Variants in TPP2 observed in about 807,000 individuals in gnomAD.
TPP2 encodes tripeptidyl-peptidase 2.
A neutral mutation model predicts 155.9 loss-of-function variants in TPP2; 34 were observed. The ratio of observed to expected loss-of-function variants is 0.22; its 90% CI spans 0.17 to 0.29. TPP2 has a LOEUF of 0.29. TPP2 is among the 10% of genes least tolerant of loss of function. The pLI, the probability that TPP2 is intolerant of heterozygous loss-of-function variation, is 1.00. For synonymous variants in TPP2, 510 were observed against 529.4 expected (o/e 0.96, Z 0.50); for missense variants, 1,028 against 1,522.3 (o/e 0.68, Z 5.40).
In TPP2 at chr13:102,627,035, A is replaced by T; in HGVS notation, c.808A>T (p.Ser270Cys). 1 of 1,599,734 alleles carries T rather than the reference A, an allele frequency of 6.3e-7. No homozygotes were observed. ...AGGAGCTCATGGGACACATGTAGCTAGTATAGCTGCTGGACACTTTCCAGA... is the reference window on the plus strand; with the variant it reads ...AGGAGCTCATGGGACACATGTAGCTTGTATAGCTGCTGGACACTTTCCAGA... ...SGGAHGTHVA[S>C]IAAGHFPEEP... The change falls in exon 7 of 30, where the codon AGT (serine) becomes TGT (cysteine). Residue 270 changes from serine (S) to cysteine (C), a missense_variant. Ser to Cys is a moderately radical substitution (Grantham distance 112). Coordinates refer to ENST00000376052, the MANE Select transcript of TPP2 (RefSeq NM_001330588.2).
chr13:102,638,022 G>A lies in TPP2; in HGVS notation c.1837-217G>A, dbSNP rs540365444. The stretch of plus-strand genomic sequence containing the variant: ...AAAATGCACTTATTTTGTACCTGAC[G>A]TCTCATTTTCCCATTTCAACTGGTC... On this transcript the variant is annotated intron_variant, in intron 14 of 29. Transcript: ENST00000376052. 3.9e-5 allele frequency among the ~76,000 whole-genome samples: 6 copies of A among 152,260 alleles called. No homozygotes were observed. In the East Asian group the frequency reaches 5.8e-4, roughly 15 times the overall value.
intron 19 of TPP2, among the ~76,000 whole-genome samples, chr13:102,645,969 C>G (rs886320708): frequency 8.8e-5 from 11 of 124,776 alleles, no homozygotes; most frequent in African/African-American, 3.7e-4. Flanking sequence ...CAGAACCTGT[C>G]TTGCAACACT....
chr13:102,640,641 ATTTTTTTTTTTTTTTT>A (rs5806315), intron 16 of TPP2, among the ~76,000 whole-genome samples: 5 of 84,198 alleles, frequency 5.9e-5, no homozygotes, highest in African/African-American at 2.8e-4. Flanking sequence ...CCTGGTAATA[ATTTTTTTTTTTTTTTT>A]TTTTTTTTTT....
intron 27 of TPP2, among the ~76,000 whole-genome samples, chr13:102,673,491 T>C (rs1013254643): frequency 6.6e-6 from 1 of 152,188 alleles, no homozygotes; most frequent in African/African-American, 2.4e-5. Flanking sequence ...CCCTGGAGTG[T>C]AGGTGGTGGT....
intron 25 of TPP2, among the ~76,000 whole-genome samples, chr13:102,658,119 T>A (rs1883976530): frequency 6.6e-6 from 1 of 152,226 alleles, no homozygotes; most frequent in Non-Finnish European, 1.5e-5. Context: ...CTCTTTGACT[T>A]TGGGCTTGCT....
chr13:102,635,778 T>A (rs1323038818), intron 12 of TPP2, 76 bp downstream of exon 12: 2 of 1,162,320 alleles, frequency 1.7e-6, no homozygotes, highest in African/African-American at 1.5e-5. Flanking sequence ...GGTAATATTT[T>A]GTTTTATAAC....
intron 28 of TPP2, among the ~76,000 whole-genome samples, 195 bp from the exon 29 acceptor site, chr13:102,676,101 A>T (rs537844759): frequency 6.6e-6 from 1 of 152,164 alleles, no homozygotes; most frequent in African/African-American, 2.4e-5. Flanking sequence ...CAAAAAACAG[A>T]TGGTTCATTC....
chr13:102,654,734 A>G (rs1883741146), intron 24 of TPP2, among the ~76,000 whole-genome samples: 1 of 152,196 alleles, frequency 6.6e-6, no homozygotes, highest in Non-Finnish European at 1.5e-5. Flanking sequence ...GAATGGAGCT[A>G]TATTAACAGA....
chr13:102,620,296 T>G (rs1225917907), intron 5 of TPP2, among the ~76,000 whole-genome samples: 1 of 152,094 alleles, frequency 6.6e-6, no homozygotes, highest in East Asian at 1.9e-4. Context: ...AAATGAAATT[T>G]AATCTAACAT....
intron 27 of TPP2, among the ~76,000 whole-genome samples, chr13:102,670,165 T>G (rs1884874555): frequency 1.2e-5 from 1 of 82,948 alleles, no homozygotes; most frequent in Non-Finnish European, 2.8e-5. Flanking sequence ...AATTAGGTAT[T>G]GTGGGTGGGG....
At chr13:102,634,809 T>C (rs569400991) in intron 11 of TPP2, among the ~76,000 whole-genome samples, 1 of 152,334 alleles carries the variant, frequency 6.6e-6, no homozygotes, top group South Asian at 2.1e-4. Context: ...ACCCTCTTTC[T>C]AGTTCTCTTC....
intron 11 of TPP2, 73 bp from the exon 12 acceptor site, chr13:102,635,514 C>T (rs559791642): frequency 3.3e-5 from 35 of 1,050,812 alleles, no homozygotes; most frequent in East Asian, 7.3e-5. Context: ...TACAGGTGAT[C>T]GATCATACTG....
At chr13:102,652,930 A>ATAGGT (rs1883613721) in intron 24 of TPP2, among the ~76,000 whole-genome samples, 1 of 152,200 alleles carries the variant, frequency 6.6e-6, no homozygotes, top group Non-Finnish European at 1.5e-5. Flanking sequence ...AGAACAAGGA[A>ATAGGT]TAGGTATTCT....
chr13:102,669,373 A>G (rs905823536), intron 27 of TPP2, among the ~76,000 whole-genome samples: 2 of 152,162 alleles, frequency 1.3e-5, no homozygotes, highest in African/African-American at 4.8e-5. Flanking sequence ...AAAATTGCTG[A>G]AATTTTGAGC....
chr13:102,660,054 A>G (rs1452352170), intron 25 of TPP2, among the ~76,000 whole-genome samples: 1 of 152,148 alleles, frequency 6.6e-6, no homozygotes, highest in Admixed American at 6.6e-5. Context: ...GAATACTACT[A>G]CAGAAGGAAG....
intron 6 of TPP2, among the ~76,000 whole-genome samples, chr13:102,623,990 G>A (rs55993616): frequency 0.011 from 1,706 of 152,126 alleles, 38 homozygotes; most frequent in African/African-American, 0.038. Flanking sequence ...TTTTTGATCC[G>A]TGGTTGGTTA....
intron 2 of TPP2, among the ~76,000 whole-genome samples, chr13:102,605,514 T>C (rs1208860223): frequency 6.6e-6 from 1 of 152,168 alleles, no homozygotes; most frequent in African/African-American, 2.4e-5. Context: ...ATGAGGTAAT[T>C]AGAATTGGGC....
At chr13:102,611,086 T>G (rs1415305526) in intron 2 of TPP2, among the ~76,000 whole-genome samples, 2 of 152,214 alleles carry the variant, frequency 1.3e-5, no homozygotes, top group African/African-American at 2.4e-5. Flanking sequence ...TCCCTTGGTG[T>G]TGTGAGATTT....
At chr13:102,656,874 T>A in intron 24 of TPP2, 182 bp from the exon 25 acceptor site, 2 of 470,426 alleles carry the variant, frequency 4.3e-6, no homozygotes, top group South Asian at 7.0e-5. Context: ...AGCATCAGTT[T>A]GTGAGAAAAT....
Sources: gnomAD v4.1 joint callset for allele counts (sites outside exome capture counted in the v4.1 genomes callset) on GRCh38, gnomAD v4.1.1 for gene constraint, MANE v1.5 for transcripts, NCBI Gene and HGNC (gene_info 2026-07-23, HGNC 2026-07-21) for gene names.